The following TEX14 variants were observed in gnomAD, a reference collection of about 807,000 sequenced individuals.
The protein encoded by TEX14 is inactive serine/threonine-protein kinase TEX14.
A neutral mutation model predicts 178.6 loss-of-function variants in TEX14; 168 were observed. The ratio of observed to expected loss-of-function variants is 0.94; its 90% CI spans 0.83 to 1.07. TEX14 has a LOEUF of 1.07. Among genes scored for constraint, TEX14 ranks in the 50% least tolerant of loss-of-function variants. The pLI, the probability that TEX14 is intolerant of heterozygous loss-of-function variation, is 0.00. For missense variants in TEX14, 1,730 were observed against 1,753.6 expected (o/e 0.99, Z 0.24); for synonymous variants, 626 against 634.1 (o/e 0.99, Z 0.19).
Position 58,590,256 on chromosome 17 carries a change from T to A in TEX14, c.2577-2235A>T, listed in dbSNP as rs1408155289. 5.5e-5 allele frequency among the ~76,000 whole-genome samples: 5 copies of A among 90,224 alleles called. No individual in the cohort carries two copies. In the East Asian group the frequency reaches 1.1e-3, roughly 19 times the overall value. 59.2% of individuals were successfully genotyped at this position (90,224 alleles called of 152,430 possible). On this transcript the variant is annotated intron_variant, in intron 15 of 31. Transcript: ENST00000349033. The stretch of plus-strand genomic sequence containing the variant: ...AGCCTGGCGACATAGCAAGACTCTG[T>A]GTCAAAAAAAAAAAAAAAAAAAAAC...
Position 58,605,018 on chromosome 17 carries a change from G to T in TEX14, c.1296C>A (p.Asp432Glu). ...ILQKAATVKS[D>E]IYSFSMIMQE... is the part of the protein sequence containing the mutation. The stretch of plus-strand genomic sequence containing the variant: ...GCATGATCATAGAAAAGCTGTAGAT[G>T]TCTGATTTCACTGTGGCTGCCTTCT... The change falls in exon 11 of 32, where the codon GAC becomes GAA. Residue 432 changes from aspartate (D) to glutamate (E), a missense_variant. Physicochemically the swap from Asp to Glu is conservative, Grantham distance 45. Transcript: ENST00000349033. 1 of 1,614,230 alleles carries T rather than the reference G, an allele frequency of 6.2e-7. No homozygotes were observed. Among genetic ancestry groups the T allele is most frequent in the Non-Finnish European group, 8.5e-7 (1 of 1,180,046 alleles).
intron 28 of TEX14, among the ~76,000 whole-genome samples, chr17:58,563,658 T>TAGAGAGAGAGAGAGAG (rs1180956521): frequency 5.7e-5 from 1 of 17,502 alleles, no homozygotes; most frequent in Non-Finnish European, 8.7e-5. Context: ...TATATATATA[T>TAGAGAGAGAGAGAGAG]AGAGAGAGAG....
intron 1 of TEX14, chr17:58,679,645 A>G (rs572125468): frequency 9.8e-5 from 15 of 152,336 alleles, no homozygotes; most frequent in African/African-American, 3.1e-4. Flanking sequence ...TCACCCTGAA[A>G]AATCCACCTT....
At chr17:58,641,623 C>T (rs2046579640) in intron 2 of TEX14, among the ~76,000 whole-genome samples, 1 of 151,800 alleles carries the variant, frequency 6.6e-6, no homozygotes, top group Non-Finnish European at 1.5e-5. Context: ...TCTCCTGCCT[C>T]GGCCTCCCTA....
At chr17:58,667,657 G>T (rs2047235866) in intron 1 of TEX14, among the ~76,000 whole-genome samples, 1 of 152,168 alleles carries the variant, frequency 6.6e-6, no homozygotes, top group African/African-American at 2.4e-5. Flanking sequence ...GGCTGAGGTG[G>T]GCGAATCACT....
At chr17:58,617,080 A>C (rs1598389811) in intron 6 of TEX14, among the ~76,000 whole-genome samples, 1 of 151,938 alleles carries the variant, frequency 6.6e-6, no homozygotes, top group Non-Finnish European at 1.5e-5. Flanking sequence ...GCGAAATCCC[A>C]TCTCTACTAA....
rs2044468031 is a variant in TEX14 at position 58,569,229 on chromosome 17, C to G, written c.3849G>C (p.Glu1283Asp). 6.2e-7 allele frequency: 1 copy of G among 1,613,958 alleles called. No individual in the cohort carries two copies. Among genetic ancestry groups the G allele is most frequent in the Non-Finnish European group, 8.5e-7 (1 of 1,179,954 alleles). The change falls in exon 26 of 32, where the codon GAG becomes GAC. Residue 1283 changes from glutamate to aspartate, a missense_variant. This residue lies in a region of TEX14 where 941 missense variants were observed against 1,072.4 expected (regional missense o/e 0.88). Coordinates refer to ENST00000349033, the MANE Select transcript of TEX14 (RefSeq NM_031272.5). The surrounding 1 kb of genome is among the most constrained non-coding windows in gnomAD (Gnocchi z 4.1). ...VEAFSQHHIDELPPPSQELLD... is the reference protein window; with the variant it reads ...VEAFSQHHIDDLPPPSQELLD... ...GTAGCTCCTGAGATGGTGGTGGCAGCTCATCAATGTGATGCTGTGAGAAGG... is the reference window on the plus strand; with the variant it reads ...GTAGCTCCTGAGATGGTGGTGGCAGGTCATCAATGTGATGCTGTGAGAAGG...
chr17:58,679,564 T>A lies in TEX14; in HGVS notation c.-2+12375A>T, dbSNP rs532095148. 2.1e-4 allele frequency: 32 copies of A among 152,224 alleles called. 2 individuals carry two copies. The highest frequency in any genetic ancestry group is 2.0e-3 in the Admixed American group (31 of 15,240). The allele number at this position is 152,224 out of a possible 1,614,324, so 9.4% of individuals were successfully genotyped here. ...CAACATAGTCCCCACTACCACAAAT[T>A]ATGCAATTAAGTTTCCCACATTTGT... On this transcript the variant is annotated intron_variant, in intron 1 of 31. Transcript: ENST00000349033.
intron 5 of TEX14, among the ~76,000 whole-genome samples, chr17:58,619,905 A>G (rs1177538456): frequency 6.6e-6 from 1 of 152,060 alleles, no homozygotes; most frequent in Non-Finnish European, 1.5e-5. Context: ...TGCTGTATCT[A>G]GATGAGTAAC....
Position 58,651,902 on chromosome 17 carries a change from C to T in TEX14, c.100G>A (p.Gly34Arg), listed in dbSNP as rs1342115289. ...EAQLHEYVKQ[G>R]NYVKVKKILK... Reference sequence around the variant, plus strand: ...ATTTTCTTCACTTTCACATAGTTCCCTTGTTTGACATACTCATGAAGCTGA... The same window carrying T: ...ATTTTCTTCACTTTCACATAGTTCCTTTGTTTGACATACTCATGAAGCTGA... The change falls in exon 2 of 32, where the codon GGG (glycine) becomes AGG (arginine). Residue 34 changes from glycine (G) to arginine (R), a missense_variant. Coordinates refer to ENST00000349033, the MANE Select transcript of TEX14 (RefSeq NM_031272.5). 6.2e-7 allele frequency: 1 copy of T among 1,612,888 alleles called. No individual in the cohort carries two copies. Among genetic ancestry groups the T allele is most frequent in the Non-Finnish European group, 8.5e-7 (1 of 1,179,732 alleles).
At chr17:58,687,378 T>C (rs989512026) in intron 1 of TEX14, among the ~76,000 whole-genome samples, 1 of 152,138 alleles carries the variant, frequency 6.6e-6, no homozygotes, top group Non-Finnish European at 1.5e-5. Context: ...CTTCCAAATA[T>C]ACTCTTTTGT....
At chr17:58,574,547 G>A (rs376360596) in intron 21 of TEX14, among the ~76,000 whole-genome samples, 26 of 151,970 alleles carry the variant, frequency 1.7e-4, no homozygotes, top group South Asian at 4.2e-4. Flanking sequence ...TTGGTAGCAC[G>A]TGCCTGTAGT....
intron 1 of TEX14, chr17:58,660,283 C>A (rs904904600): frequency 1.2e-5 from 2 of 170,496 alleles, no homozygotes; most frequent in Non-Finnish European, 2.5e-5. Context: ...CGCCTGTAAT[C>A]CCAGCTACTC....
chr17:58,617,663 T>G, intron 5 of TEX14, 44 bp from the exon 6 acceptor site: 4 of 1,390,864 alleles, frequency 2.9e-6, no homozygotes, highest in Non-Finnish European at 4.1e-6. Context: ...AATTAACCAC[T>G]CATATCCAGA....
chr17:58,643,873 T>C (rs1382200015), intron 2 of TEX14, among the ~76,000 whole-genome samples: 1 of 22,690 alleles, frequency 4.4e-5, no homozygotes. Flanking sequence ...AGACTCTGTC[T>C]CAAAAAAAAA....
intron 15 of TEX14, among the ~76,000 whole-genome samples, chr17:58,590,516 A>G (rs1417939608): frequency 6.7e-6 from 1 of 149,432 alleles, no homozygotes; most frequent in Non-Finnish European, 1.5e-5. Context: ...ATTCAACAAT[A>G]GGTGAAATCC....
rs141097255 is a variant in TEX14 at position 58,606,663 on chromosome 17, G to A, written c.1185-1534C>T. On this transcript the variant is annotated intron_variant, in intron 10 of 31. Coordinates refer to ENST00000349033, the MANE Select transcript of TEX14 (RefSeq NM_031272.5). Reference sequence around the variant, plus strand: ...ACATAATTATATATTGAACCCAGGAGGCAGAGGTTGCAGTGCGCCAAGACT... The same window carrying A: ...ACATAATTATATATTGAACCCAGGAAGCAGAGGTTGCAGTGCGCCAAGACT... Among the ~76,000 whole-genome samples, 338 of 152,026 alleles carry A rather than the reference G, an allele frequency of 2.2e-3. 2 individuals are homozygous for A. Among genetic ancestry groups the A allele is most frequent in the Middle Eastern group, 0.017 (5 of 294 alleles).
At chr17:58,570,717 C>T (rs990908784) in intron 24 of TEX14, among the ~76,000 whole-genome samples, 1 of 149,430 alleles carries the variant, frequency 6.7e-6, no homozygotes, top group African/African-American at 2.5e-5. Flanking sequence ...CCTTCACCTC[C>T]CGGGTTCATG....
intron 13 of TEX14, 21 bp downstream of exon 13, chr17:58,601,785 A>G (rs1181604385): frequency 3.1e-6 from 5 of 1,606,450 alleles, no homozygotes; most frequent in Admixed American, 1.7e-5. Flanking sequence ...AACTAACACA[A>G]CCTGTGAATT....
Sources: gnomAD v4.1 joint callset for allele counts (sites outside exome capture counted in the v4.1 genomes callset) on GRCh38, gnomAD v4.1.1 for gene constraint, gnomAD v4.1.1 regional missense constraint, Gnocchi (gnomAD v3.1) non-coding constraint, MANE v1.5 for transcripts, NCBI Gene and HGNC (gene_info 2026-07-23, HGNC 2026-07-21) for gene names.